Variants in TMTC2 observed in about 807,000 individuals in gnomAD.
TMTC2 encodes the protein transmembrane O-mannosyltransferase targeting cadherins 2.
Under a neutral mutation model 82.4 loss-of-function variants are expected in TMTC2, and 43 were observed. The ratio of observed to expected loss-of-function variants is 0.52; its 90% CI spans 0.41 to 0.67. The LOEUF (loss-of-function observed/expected upper bound fraction) is 0.67, where lower values mean the gene tolerates loss of function less well. TMTC2 is among the 30% of genes least tolerant of loss of function. The pLI is 0.00. For synonymous variants in TMTC2, 408 were observed against 381.9 expected, an observed-to-expected ratio of 1.07 and a Z score of -0.80; for missense variants, 919 against 1,012.4, an observed-to-expected ratio of 0.91 and a Z score of 1.25.
intron 1 of TMTC2, among the ~76,000 whole-genome samples, chr12:82,728,487 G>A (rs530277008): frequency 2.0e-5 from 3 of 152,086 alleles, no homozygotes; most frequent in East Asian, 1.9e-4. Context: ...TTGGGAGGCC[G>A]AGGTGGGCAG....
At chr12:83,019,017 A>G (rs1880799390) in intron 8 of TMTC2, among the ~76,000 whole-genome samples, 3 of 152,202 alleles carry the variant, frequency 2.0e-5, no homozygotes, top group Non-Finnish European at 4.4e-5. Flanking sequence ...GTAGGAATCA[A>G]GTGTTGTTAG....
At chr12:82,856,864 A>G (rs762468150) in intron 1 of TMTC2, 146 bp from the exon 2 acceptor site, 11 of 754,260 alleles carry the variant, frequency 1.5e-5, no homozygotes, top group East Asian at 2.6e-5. Context: ...AGGGGAGGAC[A>G]TGAATTCAGC....
chr12:82,738,895 C>T (rs993057059), intron 1 of TMTC2, among the ~76,000 whole-genome samples: 1 of 152,020 alleles, frequency 6.6e-6, no homozygotes, highest in East Asian at 1.9e-4. Context: ...CGTTTGTAAT[C>T]CCAGCACTTT....
intron 11 of TMTC2, among the ~76,000 whole-genome samples, chr12:83,080,399 G>T (rs888130005): frequency 6.6e-6 from 1 of 151,942 alleles, no homozygotes; most frequent in African/African-American, 2.4e-5. Context: ...GTGTGTGTGT[G>T]TAATGAATGA....
intron 3 of TMTC2, among the ~76,000 whole-genome samples, chr12:82,899,379 T>C (rs1873845337): frequency 1.3e-5 from 2 of 151,750 alleles, no homozygotes; most frequent in South Asian, 4.2e-4. Flanking sequence ...CTCTTTTCCC[T>C]TCATAGCTGA....
At chr12:83,123,180 C>T (rs1394451604) in intron 11 of TMTC2, among the ~76,000 whole-genome samples, 3 of 152,124 alleles carry the variant, frequency 2.0e-5, no homozygotes, top group South Asian at 2.1e-4. Context: ...CCCACTGGGA[C>T]GAGGCAGACG....
At chr12:82,949,286 G>A (rs955162606) in intron 4 of TMTC2, among the ~76,000 whole-genome samples, 12 of 152,150 alleles carry the variant, frequency 7.9e-5, no homozygotes, top group East Asian at 1.9e-4. Flanking sequence ...ATCATTTGTG[G>A]TTAGTGCCTT....
At chr12:82,814,176 T>G (rs1175973417) in intron 1 of TMTC2, among the ~76,000 whole-genome samples, 2 of 152,136 alleles carry the variant, frequency 1.3e-5, no homozygotes, top group African/African-American at 4.8e-5. Context: ...CAAAGTAAAT[T>G]TTATTAACCA....
rs1040695418 is a variant in TMTC2, at chr12:83,068,701, G to A, written c.2331+6870G>A. On this transcript the variant is annotated intron_variant, in intron 11 of 11. Transcript: ENST00000321196. Reference sequence around the variant, plus strand: ...AGTTACAAATACATCCATATATTTTGTTTATTTTTTTATTTATTATTTATT... The same window carrying A: ...AGTTACAAATACATCCATATATTTTATTTATTTTTTTATTTATTATTTATT... Among the ~76,000 whole-genome samples, 6 of 152,010 alleles carry A rather than the reference G, an allele frequency of 3.9e-5. No homozygotes were observed. The South Asian group carries it at 1.2e-3, about 32-fold the overall frequency.
chr12:82,688,040 A>G (rs985883667), intron 1 of TMTC2, among the ~76,000 whole-genome samples: 1 of 152,170 alleles, frequency 6.6e-6, no homozygotes, highest in African/African-American at 2.4e-5. Flanking sequence ...TCTGGTTGGG[A>G]GGAAGCCTCT....
chr12:83,083,621 A>G (rs1213733567), intron 11 of TMTC2, among the ~76,000 whole-genome samples: 1 of 152,108 alleles, frequency 6.6e-6, no homozygotes, highest in African/African-American at 2.4e-5. Flanking sequence ...CTCAGTCAAT[A>G]TTGTGAAGGA....
intron 4 of TMTC2, among the ~76,000 whole-genome samples, chr12:82,948,477 G>A (rs932697326): frequency 4.6e-5 from 7 of 152,036 alleles, no homozygotes; most frequent in African/African-American, 1.7e-4. Flanking sequence ...TCTATTCCAA[G>A]CAAAAAAATA....
At chr12:82,790,064 T>G (rs1878385077) in intron 1 of TMTC2, among the ~76,000 whole-genome samples, 3 of 151,412 alleles carry the variant, frequency 2.0e-5, no homozygotes, top group African/African-American at 7.3e-5. Flanking sequence ...TAGCTGGGTG[T>G]GGTGATGTAT....
At chr12:82,835,764 A>G (rs978970713) in intron 1 of TMTC2, among the ~76,000 whole-genome samples, 3 of 152,190 alleles carry the variant, frequency 2.0e-5, no homozygotes, top group Admixed American at 6.5e-5. Flanking sequence ...TGATATGGAC[A>G]TTGCAGTTGG....
intron 9 of TMTC2, among the ~76,000 whole-genome samples, chr12:83,049,852 A>G (rs746143078): frequency 7.9e-5 from 12 of 152,138 alleles, no homozygotes; most frequent in Non-Finnish European, 1.2e-4. Flanking sequence ...AATAATAGCC[A>G]TTCTGACTGG....
chr12:82,997,348 GTATATATATATATATA>G (rs370359828), intron 8 of TMTC2, among the ~76,000 whole-genome samples: 119 of 21,558 alleles, frequency 5.5e-3, no homozygotes, highest in South Asian at 0.013. Context: ...GTGTGTGTGT[GTATATATATATATATA>G]TGTGTATATA....
intron 8 of TMTC2, among the ~76,000 whole-genome samples, chr12:83,004,220 C>T (rs1190687738): frequency 6.6e-6 from 1 of 152,104 alleles, no homozygotes; most frequent in Non-Finnish European, 1.5e-5. Context: ...CAGAACTTTT[C>T]CAGTTTTTTG....
chr12:83,079,466 C>T (rs1389958474), intron 11 of TMTC2, among the ~76,000 whole-genome samples: 1 of 152,086 alleles, frequency 6.6e-6, no homozygotes, highest in Non-Finnish European at 1.5e-5. Flanking sequence ...CCCTTTTTCT[C>T]AACAGAGTTC....
At chr12:82,986,225 GT>G in intron 8 of TMTC2, 179 bp downstream of exon 8, 1 of 742,510 alleles carries the variant, frequency 1.3e-6, no homozygotes, top group Non-Finnish European at 2.1e-6. Flanking sequence ...TGCCTATGAG[GT>G]TTGGTCTAGA....
Sources: gnomAD v4.1 joint callset for allele counts (sites outside exome capture counted in the v4.1 genomes callset) on GRCh38, gnomAD v4.1.1 for gene constraint, MANE v1.5 for transcripts, NCBI Gene and HGNC (gene_info 2026-07-23, HGNC 2026-07-21) for gene names.